The following SPMIP5 variants were observed in gnomAD, a reference collection of about 807,000 sequenced individuals.
SPMIP5 encodes the protein sperm microtubule inner protein 5.
chr10:116,666,641 CCT>C, the SPMIP5 span, among the ~76,000 whole-genome samples: 1 of 152,190 alleles, frequency 6.6e-6, no homozygotes, highest in East Asian at 1.9e-4. Flanking sequence ...ACAATAACCC[CCT>C]CTGGAAGAAC....
chr10:116,669,375 C>T, the SPMIP5 span, among the ~76,000 whole-genome samples: 1 of 152,204 alleles, frequency 6.6e-6, no homozygotes, highest in Non-Finnish European at 1.5e-5. Flanking sequence ...CCTGGCATCA[C>T]GTACCTGACT....
chr10:116,668,933 G>GCGCGCA, the SPMIP5 span, among the ~76,000 whole-genome samples: 3 of 135,282 alleles, frequency 2.2e-5, no homozygotes, highest in African/African-American at 8.8e-5. Flanking sequence ...GCACACACAT[G>GCGCGCA]CACACACACA....
At chr10:116,668,449 C>T in the SPMIP5 span, 1 of 778,760 alleles carries the variant, frequency 1.3e-6, no homozygotes, top group Admixed American at 1.9e-5. Flanking sequence ...GGCTGAGAGG[C>T]AGCACTACCA....
chr10:116,664,451 G>A, the SPMIP5 span: 23 of 763,066 alleles, frequency 3.0e-5, no homozygotes, highest in Non-Finnish European at 4.1e-5. Context: ...GAAAGCTGAG[G>A]CCACTCAGCA....
the SPMIP5 span, among the ~76,000 whole-genome samples, chr10:116,668,694 C>T: frequency 4.6e-3 from 695 of 151,926 alleles, 3 homozygotes; most frequent in Non-Finnish European, 7.1e-3. Context: ...GCCCAGAAGC[C>T]CCTGTGTTAG....
the SPMIP5 span, among the ~76,000 whole-genome samples, chr10:116,662,975 GAT>G: frequency 2.6e-5 from 4 of 152,118 alleles, no homozygotes; most frequent in African/African-American, 9.7e-5. Flanking sequence ...GAGGTCAGGA[GAT>G]CAAGGCCATC....
chr10:116,664,206 A>G, the SPMIP5 span: 1 of 1,614,054 alleles, frequency 6.2e-7, no homozygotes, highest in East Asian at 2.2e-5. Flanking sequence ...TTTTGGCAGC[A>G]GCTCTTCATG....
At chr10:116,668,568 C>T in the SPMIP5 span, among the ~76,000 whole-genome samples, 2 of 111,012 alleles carry the variant, frequency 1.8e-5, no homozygotes, top group East Asian at 5.2e-4. Flanking sequence ...TAGATCACAC[C>T]TACCAGGGTC....
chr10:116,664,850 C>T, the SPMIP5 span: 26 of 1,614,174 alleles, frequency 1.6e-5, no homozygotes, highest in African/African-American at 1.5e-4. Context: ...CAGTGTATCT[C>T]GTGCCACAGC....
the SPMIP5 span, chr10:116,665,963 G>A: frequency 1.3e-6 from 1 of 741,160 alleles, no homozygotes; most frequent in Non-Finnish European, 2.2e-6. Flanking sequence ...TTTTCCAAAG[G>A]CCATTAATAC....
the SPMIP5 span, among the ~76,000 whole-genome samples, chr10:116,667,702 A>T: frequency 1.3e-5 from 2 of 152,236 alleles, no homozygotes; most frequent in Non-Finnish European, 2.9e-5. Flanking sequence ...GAGGAGGAAT[A>T]GCCTCTAGGT....
chr10:116,663,526 T>C, the SPMIP5 span, among the ~76,000 whole-genome samples: 1 of 152,112 alleles, frequency 6.6e-6, no homozygotes, highest in Non-Finnish European at 1.5e-5. Flanking sequence ...GTGGGCGTGG[T>C]GTCTGCGCCG....
chr10:116,667,108 G>A, the SPMIP5 span, among the ~76,000 whole-genome samples: 1 of 152,180 alleles, frequency 6.6e-6, no homozygotes, highest in Non-Finnish European at 1.5e-5. Flanking sequence ...TCCTAAATCT[G>A]ATGACTGATG....
chr10:116,664,182 G>T, the SPMIP5 span: 1 of 1,614,110 alleles, frequency 6.2e-7, no homozygotes, highest in Non-Finnish European at 8.5e-7. Flanking sequence ...ACCTGGAATA[G>T]AAAAATCGGG....
chr10:116,663,773 C>A, the SPMIP5 span: 1 of 1,024,854 alleles, frequency 9.8e-7, no homozygotes, highest in Admixed American at 3.1e-5. Context: ...GTCAACCACT[C>A]AGGATGCAGG....
the SPMIP5 span, among the ~76,000 whole-genome samples, chr10:116,662,657 T>C: frequency 7.2e-5 from 11 of 152,212 alleles, no homozygotes; most frequent in Non-Finnish European, 1.5e-4. Context: ...CTGTTATTTC[T>C]TCTGCATACG....
chr10:116,663,434 G>A, the SPMIP5 span, among the ~76,000 whole-genome samples: 1 of 152,160 alleles, frequency 6.6e-6, no homozygotes. Context: ...ACTTTGTGGA[G>A]GCAGCCCTAT....
the SPMIP5 span, among the ~76,000 whole-genome samples, chr10:116,668,933 G>GCGCGCACACACA: frequency 1.0e-3 from 139 of 135,380 alleles, no homozygotes; most frequent in African/African-American, 3.8e-3. Context: ...GCACACACAT[G>GCGCGCACACACA]CACACACACA....
the SPMIP5 span, chr10:116,665,588 T>C: frequency 3.7e-6 from 6 of 1,602,934 alleles, no homozygotes; most frequent in Non-Finnish European, 5.1e-6. Context: ...TGAGGGGAAA[T>C]GGTTTCAGGG....
Sources: gnomAD v4.1 joint callset for allele counts (sites outside exome capture counted in the v4.1 genomes callset) on GRCh38, gnomAD v4.1.1 for gene constraint, MANE v1.5 for transcripts, NCBI Gene and HGNC (gene_info 2026-07-23, HGNC 2026-07-21) for gene names.